NTNG2: variants seen among roughly 807,000 people sequenced by gnomAD.
NTNG2 encodes netrin G2, also known as netrin-G2.
In NTNG2, 15 loss-of-function variants were observed where a neutral mutation model predicts 47.6. The ratio of observed to expected loss-of-function variants is 0.32; its 90% confidence interval spans 0.21 to 0.49. The LOEUF is 0.49. Ranked by LOEUF, NTNG2 falls within the 20% of genes least tolerant of loss-of-function variation. The pLI, the probability that NTNG2 is intolerant of heterozygous loss-of-function variation, is 0.99. For missense variants in NTNG2, 578 were observed against 764.6 expected, an observed-to-expected ratio of 0.76 and a Z score of 2.88; for synonymous variants, 307 against 324.6, an observed-to-expected ratio of 0.95 and a Z score of 0.58.
intron 4 of NTNG2, among the ~76,000 whole-genome samples, chr9:132,228,409 C>T (rs537403603): frequency 6.6e-6 from 1 of 152,348 alleles, no homozygotes; most frequent in Non-Finnish European, 1.5e-5. Flanking sequence ...CTGTCCCCAT[C>T]TCTTTGTGGT....
chr9:132,236,715 G>A lies in NTNG2; in HGVS notation c.1055-2389G>A, dbSNP rs1399487040. 6.6e-6 allele frequency among the ~76,000 whole-genome samples: 1 copy of A among 152,218 alleles called. No individual in the cohort carries two copies. The highest frequency in any genetic ancestry group is 2.4e-5 in the African/African-American group (1 of 41,462). On this transcript the variant is annotated intron_variant, in intron 5 of 7. Coordinates refer to ENST00000393229, the MANE Select transcript of NTNG2 (RefSeq NM_032536.4). This position sits in a 1 kb window ranked among gnomAD's most constrained non-coding sequence, Gnocchi z 4.3. ...TCGCTTCCCTACCCTGGGCCAACCA[G>A]GGCACCACAGACCCCCAGAGGGAAG...
intron 3 of NTNG2, among the ~76,000 whole-genome samples, chr9:132,210,508 A>G (rs1839512724): frequency 6.6e-6 from 1 of 152,210 alleles, no homozygotes; most frequent in Non-Finnish European, 1.5e-5. Flanking sequence ...CATAGTAGGT[A>G]TAGCCAAAGG....
At chr9:132,234,784 G>A (rs1243245052) in intron 5 of NTNG2, among the ~76,000 whole-genome samples, 1 of 152,262 alleles carries the variant, frequency 6.6e-6, no homozygotes, top group African/African-American at 2.4e-5. Context: ...TTTGGGCCTG[G>A]CGGCCTCATC....
chr9:132,194,410 C>T (rs1838125059), intron 2 of NTNG2, among the ~76,000 whole-genome samples: 1 of 152,244 alleles, frequency 6.6e-6, no homozygotes, highest in South Asian at 2.1e-4. Flanking sequence ...GGGCCATCCC[C>T]ACAGCCTCTC....
chr9:132,170,377 T>C (rs1235068632), intron 2 of NTNG2, among the ~76,000 whole-genome samples: 7 of 152,158 alleles, frequency 4.6e-5, no homozygotes, highest in South Asian at 4.1e-4. Context: ...GAGGACAAAA[T>C]TGCAATGAGG....
chr9:132,198,770 G>A (rs1838519113), intron 3 of NTNG2, among the ~76,000 whole-genome samples, 161 bp downstream of exon 3: 1 of 151,982 alleles, frequency 6.6e-6, no homozygotes, highest in African/African-American at 2.4e-5. Flanking sequence ...GTGATACATC[G>A]TTACCTGGTT....
rs1403930053 is a variant in NTNG2 at position 132,208,306 on chromosome 9, A to G, written c.857+9697A>G. 1.3e-5 allele frequency among the ~76,000 whole-genome samples: 2 copies of G among 152,102 alleles called. No individual in the cohort carries two copies. The highest frequency in any genetic ancestry group is 4.8e-5 in the African/African-American group (2 of 41,408). On this transcript the variant is annotated intron_variant, in intron 3 of 7. Transcript: ENST00000393229. This position sits in a 1 kb window ranked among gnomAD's most constrained non-coding sequence, Gnocchi z 4.0. ...CAGTGTGATGTGGCTGTGGTGGGTG[A>G]GTAAGATTCCAAAGAAGAGCAGGCA...
intron 3 of NTNG2, among the ~76,000 whole-genome samples, chr9:132,223,863 A>C (rs969953990): frequency 2.0e-5 from 3 of 152,148 alleles, no homozygotes; most frequent in Non-Finnish European, 2.9e-5. Context: ...CTAACCAGTC[A>C]AAGGCTTGCA....
In NTNG2 at chr9:132,198,271, G is replaced by A; in HGVS notation, c.519G>A (p.Glu173=). Residue 173 remains glutamate (E), a synonymous_variant, in exon 3 of 8, where the codon GAG becomes GAA. Transcript: ENST00000393229. ...AGTTCTACGCCGAGGACTGCATGGA[G>A]GCCTTCGGTATGTCCGCCCGCCGGG... The part of the protein sequence containing the change: ...PYQFYAEDCM[E]AFGMSARRAR... 6.2e-7 allele frequency: 1 copy of A among 1,612,606 alleles called. No homozygotes were observed. The highest frequency in any genetic ancestry group is 1.1e-5 in the South Asian group (1 of 91,066).
intron 4 of NTNG2, among the ~76,000 whole-genome samples, chr9:132,228,204 T>C (rs1840930248): frequency 6.6e-6 from 1 of 152,236 alleles, no homozygotes; most frequent in South Asian, 2.1e-4. Flanking sequence ...TTTATGTGAC[T>C]TTAGGCTGAT....
At position 132,214,795 on chromosome 9, in the gene NTNG2, GGTAA is replaced by G. The variant is rs368885959; in HGVS notation, c.858-12050_858-12047del. 2.6e-5 allele frequency among the ~76,000 whole-genome samples: 4 copies of G among 152,040 alleles called. No homozygotes were observed. The East Asian group carries it at 7.7e-4, about 29-fold the overall frequency. ...AAACAAGGGAATCGTTGTTTTTTAG[GGTAA>G]GTATGTCCCAAATATTTCATGGAAT... On this transcript the variant is annotated intron_variant, in intron 3 of 7. Transcript: ENST00000393229.
At chr9:132,227,815 A>C (rs368576254) in intron 4 of NTNG2, among the ~76,000 whole-genome samples, 1 of 152,194 alleles carries the variant, frequency 6.6e-6, no homozygotes, top group South Asian at 2.1e-4. Context: ...CACTGTCTCC[A>C]TGAAATCAGA....
At position 132,195,291 on chromosome 9, in the gene NTNG2, C is replaced by CT. The variant is rs544606293; in HGVS notation, c.214-2674dup. Among the ~76,000 whole-genome samples the CT allele has an allele frequency of 2.6e-3, 385 of 150,744 alleles. 1 individual carries two copies. Among genetic ancestry groups the CT allele is most frequent in the African/African-American group, 8.7e-3 (358 of 41,196 alleles). On this transcript the variant is annotated intron_variant, in intron 2 of 7. Transcript: ENST00000393229. ...GGATATTTGAGGTTTTGGGGGATTT[C>CT]TCTTTTTTTTGTTTTCGTTTTTGTT...
intron 3 of NTNG2, among the ~76,000 whole-genome samples, chr9:132,222,677 G>A (rs1324087854): frequency 6.6e-6 from 1 of 152,128 alleles, no homozygotes; most frequent in Admixed American, 6.5e-5. Context: ...GTGGGTTCCT[G>A]AGTGCCCCCT....
Position 132,209,860 on chromosome 9 carries a change from G to A in NTNG2, c.857+11251G>A, listed in dbSNP as rs13299203. Reference sequence around the variant, plus strand: ...GCTCTTCCTGAAAGGCGGGAGGCGCGGCAGCGTTGGCGTTGGGATGGGAAG... The same window carrying A: ...GCTCTTCCTGAAAGGCGGGAGGCGCAGCAGCGTTGGCGTTGGGATGGGAAG... On this transcript the variant is annotated intron_variant, in intron 3 of 7. Coordinates refer to ENST00000393229, the MANE Select transcript of NTNG2 (RefSeq NM_032536.4). 1.9e-4 allele frequency among the ~76,000 whole-genome samples: 29 copies of A among 149,922 alleles called. No homozygotes were observed. In the South Asian group the frequency reaches 4.0e-3, roughly 21 times the overall value.
intron 2 of NTNG2, among the ~76,000 whole-genome samples, chr9:132,170,745 G>A (rs184891914): frequency 6.6e-6 from 1 of 152,312 alleles, no homozygotes; most frequent in Non-Finnish European, 1.5e-5. Context: ...CCAGGCAGCA[G>A]GGTGCCAAGG....
In NTNG2 at chr9:132,208,877, C is replaced by G. The variant is rs963994850; in HGVS notation, c.857+10268C>G. ...GCCCGTCTCTCCAAGAACTCCCGTC[C>G]CGAGACCCCTGGAAGCCCCCATCCT... On this transcript the variant is annotated intron_variant, in intron 3 of 7. Coordinates refer to ENST00000393229, the MANE Select transcript of NTNG2 (RefSeq NM_032536.4). This position sits in a 1 kb window ranked among gnomAD's most constrained non-coding sequence, Gnocchi z 4.0. 1.3e-5 allele frequency among the ~76,000 whole-genome samples: 2 copies of G among 151,734 alleles called. No homozygotes were observed. Among genetic ancestry groups the G allele is most frequent in the South Asian group, 2.1e-4 (1 of 4,832 alleles).
intron 2 of NTNG2, among the ~76,000 whole-genome samples, chr9:132,179,132 G>C (rs1292119521): frequency 6.6e-6 from 1 of 152,166 alleles, no homozygotes. Context: ...AGGTAGACTG[G>C]AGCCATGAGG....
chr9:132,181,274 G>A (rs1027944393), intron 2 of NTNG2, among the ~76,000 whole-genome samples: 1 of 149,340 alleles, frequency 6.7e-6, no homozygotes, highest in Non-Finnish European at 1.5e-5. Flanking sequence ...GTAGAGATGG[G>A]GTTTTGCCAT....
Sources: allele counts gnomAD v4.1 joint callset (sites outside exome capture counted in the v4.1 genomes callset), GRCh38; gene constraint gnomAD v4.1.1; non-coding constraint Gnocchi (gnomAD v3.1); transcripts MANE v1.5; gene names NCBI Gene and HGNC (gene_info 2026-07-23, HGNC 2026-07-21).